The following SETD5 variants were observed in gnomAD, a reference collection of about 807,000 sequenced individuals.
SETD5 encodes the protein histone-lysine N-methyltransferase SETD5.
In SETD5, 44 loss-of-function variants were observed where a neutral mutation model predicts 153.3. That is an observed-to-expected ratio of 0.29 (90% CI 0.23 to 0.37). SETD5 has a LOEUF of 0.37. Among genes scored for constraint, SETD5 ranks in the 10% least tolerant of loss-of-function variants. SETD5 has a pLI of 1.00. For missense variants in SETD5, 1,544 were observed against 1,768.0 expected, an observed-to-expected ratio of 0.87 and a Z score of 2.27; for synonymous variants, 716 against 645.2, an observed-to-expected ratio of 1.11 and a Z score of -1.66.
intron 1 of SETD5, among the ~76,000 whole-genome samples, chr3:9,414,366 C>T (rs567812367): frequency 1.4e-4 from 22 of 151,858 alleles, no homozygotes; most frequent in Non-Finnish European, 2.8e-4. Context: ...AGCCATTGGT[C>T]GTGTGTGTTT....
Position 9,433,917 on chromosome 3 carries a change from T to G in SETD5, c.144T>G (p.Thr48=). The part of the protein sequence containing the change: ...SVYSTHNYGT[T]QRHGCRGLPY... ...ATTCCACTCATAATTATGGGACCAC[T>G]CAGAGGCATGGGTGTCGAGGACTGC... The change falls in exon 4 of 23, where the codon ACT becomes ACG. Residue 48 remains threonine, a synonymous_variant. Transcript: ENST00000402198. The G allele has an allele frequency of 6.2e-7, 1 of 1,613,986 alleles. No individual in the cohort carries two copies. The highest frequency in any genetic ancestry group is 1.1e-5 in the South Asian group (1 of 91,082).
At chr3:9,432,429 T>C (rs977228407) in intron 3 of SETD5, 3 of 311,098 alleles carry the variant, frequency 9.6e-6, no homozygotes, top group Admixed American at 6.5e-5. Context: ...ATATATTGTA[T>C]ATCTTTAAGC....
chr3:9,442,716 T>G (rs1375887282), intron 10 of SETD5, among the ~76,000 whole-genome samples: 2 of 152,180 alleles, frequency 1.3e-5, no homozygotes, highest in Non-Finnish European at 2.9e-5. Context: ...GGAATTTTAA[T>G]TCTCTGGTGG....
intron 1 of SETD5, among the ~76,000 whole-genome samples, chr3:9,407,855 C>A (rs2035951797): frequency 6.6e-6 from 1 of 152,058 alleles, no homozygotes; most frequent in African/African-American, 2.4e-5. Flanking sequence ...AGAAAATTAG[C>A]TGGGCGTGGT....
chr3:9,423,437 T>TTAAATTAATAA (rs1336714878), intron 1 of SETD5, among the ~76,000 whole-genome samples: 2 of 152,200 alleles, frequency 1.3e-5, no homozygotes, highest in Non-Finnish European at 2.9e-5. Flanking sequence ...CTGGAAATAG[T>TTAAATTAATAA]TAAATTAATA....
At chr3:9,419,303 T>C (rs1035590696) in intron 1 of SETD5, among the ~76,000 whole-genome samples, 1 of 152,202 alleles carries the variant, frequency 6.6e-6, no homozygotes, top group Non-Finnish European at 1.5e-5. Context: ...TCATGTTTGT[T>C]GAATGAATGA....
rs762654044 is a variant in SETD5, at chr3:9,442,120, A to G, written c.960-8A>G. 13 of 1,574,380 alleles carry G rather than the reference A, an allele frequency of 8.3e-6. No individual in the cohort carries two copies. Among genetic ancestry groups the G allele is most frequent in the Non-Finnish European group, 1.1e-5 (13 of 1,147,694 alleles). Reference sequence around the variant, plus strand: ...TGAGAATTACAGGAATTTTAATTGTATCCCTAGACCATACCCCTTTGTGCT... The same window carrying G: ...TGAGAATTACAGGAATTTTAATTGTGTCCCTAGACCATACCCCTTTGTGCT... On this transcript the variant is annotated splice_polypyrimidine_tract_variant and splice_region_variant and intron_variant, in intron 9 of 22. Coordinates refer to ENST00000402198, the MANE Select transcript of SETD5 (RefSeq NM_001080517.3).
At chr3:9,453,932 T>G (rs2125356716) in intron 17 of SETD5, 64 bp downstream of exon 17, 2 of 1,435,226 alleles carry the variant, frequency 1.4e-6, no homozygotes, top group East Asian at 2.5e-5. Flanking sequence ...ATAAAAAATT[T>G]AAGTATGAGT....
chr3:9,417,496 TTC>T (rs1032647846), intron 1 of SETD5, among the ~76,000 whole-genome samples: 2 of 151,544 alleles, frequency 1.3e-5, no homozygotes, highest in African/African-American at 2.4e-5. Flanking sequence ...TTTTTTTTTT[TTC>T]CCCCCGAGAC....
chr3:9,445,852 A>G (rs2041877054), intron 13 of SETD5, 112 bp downstream of exon 13: 4 of 594,884 alleles, frequency 6.7e-6, no homozygotes, highest in Non-Finnish European at 7.9e-6. Flanking sequence ...CCTGAAGGTT[A>G]TAATTTGGGC....
chr3:9,453,334 T>A (rs1036824034), intron 16 of SETD5, among the ~76,000 whole-genome samples: 2 of 152,182 alleles, frequency 1.3e-5, no homozygotes, highest in Non-Finnish European at 2.9e-5. Flanking sequence ...GGCAGACAAC[T>A]TTTAAGAGAT....
At chr3:9,451,686 T>C (rs1365146899) in intron 16 of SETD5, among the ~76,000 whole-genome samples, 2 of 152,108 alleles carry the variant, frequency 1.3e-5, no homozygotes, top group African/African-American at 4.8e-5. Context: ...GTGCAAGGAG[T>C]CTGCCCACCT....
chr3:9,437,521 A>ATGTGTGTGTGTGTGTGTGTGTGTG, intron 7 of SETD5, among the ~76,000 whole-genome samples: 1 of 117,096 alleles, frequency 8.5e-6, no homozygotes, highest in African/African-American at 5.0e-5. Flanking sequence ...ATCCTCCTTT[A>ATGTGTGTGTGTGTGTGTGTGTGTG]CGTGTGTGTG....
At position 9,465,310 on chromosome 3, in the gene SETD5, T is replaced by A. The variant is rs563916810; in HGVS notation, c.2724+638T>A. ...CTTCACTGTTGGATTAAGTTAGAAATGTCTGCCTCAGCTGTTTCAAAAAGT... is the reference window on the plus strand; with the variant it reads ...CTTCACTGTTGGATTAAGTTAGAAAAGTCTGCCTCAGCTGTTTCAAAAAGT... On this transcript the variant is annotated intron_variant, in intron 18 of 22. Transcript: ENST00000402198. Among the ~76,000 whole-genome samples the A allele has an allele frequency of 2.0e-5, 3 of 152,342 alleles. No individual in the cohort carries two copies. In the South Asian group the frequency reaches 6.2e-4, roughly 32 times the overall value.
intron 7 of SETD5, chr3:9,437,017 A>G (rs546480836): frequency 1.1e-4 from 85 of 773,754 alleles, no homozygotes; most frequent in Non-Finnish European, 1.5e-4. Context: ...AGTTGTTGCC[A>G]TTCAGTTTTC....
intron 17 of SETD5, 112 bp from the exon 18 acceptor site, chr3:9,464,313 A>G: frequency 1.4e-6 from 2 of 1,432,692 alleles, no homozygotes; most frequent in Non-Finnish European, 1.9e-6. Flanking sequence ...ACTTAATGGG[A>G]TGAGGCAGAA....
chr3:9,411,703 T>G (rs1040806104), intron 1 of SETD5, among the ~76,000 whole-genome samples: 17 of 152,232 alleles, frequency 1.1e-4, no homozygotes, highest in African/African-American at 4.1e-4. Context: ...ATCCAGTAAA[T>G]GCTGCCTTTA....
intron 17 of SETD5, among the ~76,000 whole-genome samples, chr3:9,462,281 A>G (rs1317850430): frequency 6.6e-6 from 1 of 152,104 alleles, no homozygotes; most frequent in Non-Finnish European, 1.5e-5. Flanking sequence ...ACTTTAACCT[A>G]TTGATTAAGA....
chr3:9,445,606 T>A, intron 12 of SETD5, 51 bp from the exon 13 acceptor site: 1 of 1,500,826 alleles, frequency 6.7e-7, no homozygotes, highest in Non-Finnish European at 9.2e-7. Context: ...TAAAACAGAT[T>A]GATTTTTTCT....
Sources: gnomAD v4.1 joint callset for allele counts (sites outside exome capture counted in the v4.1 genomes callset) on GRCh38, gnomAD v4.1.1 for gene constraint, MANE v1.5 for transcripts, NCBI Gene and HGNC (gene_info 2026-07-23, HGNC 2026-07-21) for gene names.